TRIM26: variants seen among roughly 807,000 people sequenced by gnomAD.
TRIM26 encodes the protein tripartite motif containing 26.
A neutral mutation model predicts 45.5 loss-of-function variants in TRIM26; 16 were observed. That is an observed-to-expected ratio of 0.35 (90% confidence interval 0.24 to 0.53). The LOEUF (loss-of-function observed/expected upper bound fraction) is 0.53, where lower values mean the gene tolerates loss of function less well. Among genes scored for constraint, TRIM26 ranks in the 20% least tolerant of loss-of-function variants. The probability of loss-of-function intolerance (pLI) is 0.92; values close to 1 mark genes in which losing one functional copy is unlikely to be tolerated. For missense variants in TRIM26, 442 were observed against 691.1 expected, an observed-to-expected ratio of 0.64 and a Z score of 4.04; for synonymous variants, 273 against 290.4, an observed-to-expected ratio of 0.94 and a Z score of 0.61.
chr6:30,211,509 T>C (rs527352861), intron 1 of TRIM26, among the ~76,000 whole-genome samples: 1 of 152,336 alleles, frequency 6.6e-6, no homozygotes, highest in South Asian at 2.1e-4. Flanking sequence ...ACACACAATC[T>C]GAGTCCAACC....
chr6:30,188,557 T>C (rs1207693225), intron 9 of TRIM26: 10 of 241,792 alleles, frequency 4.1e-5, no homozygotes, highest in Admixed American at 2.0e-4. Flanking sequence ...AGTTCTGCTA[T>C]GGGATTTTAT....
chr6:30,185,875 C>A lies in TRIM26; in HGVS notation c.*1G>T, dbSNP rs752400973. The A allele has an allele frequency of 1.9e-6, 3 of 1,608,608 alleles. No homozygotes were observed. Among genetic ancestry groups the A allele is most frequent in the Non-Finnish European group, 2.5e-6 (3 of 1,177,348 alleles). On this transcript the variant is annotated 3_prime_UTR_variant, in exon 10 of 10. Coordinates refer to ENST00000454678, the MANE Select transcript of TRIM26 (RefSeq NM_003449.5). The surrounding 1 kb of genome is among the most constrained non-coding windows in gnomAD (Gnocchi z 5.7). ...TTGGGGCTGGGGGCAGATGTCAGGG[C>A]TCAGGGTCTTAGCAGGAGGCGTGTT...
At chr6:30,187,175 T>C (rs754160322) in intron 9 of TRIM26, 1 of 280,902 alleles carries the variant, frequency 3.6e-6, no homozygotes, top group Non-Finnish European at 7.2e-6. Flanking sequence ...CAAGAGCATC[T>C]GTTTCATGTC....
intron 1 of TRIM26, among the ~76,000 whole-genome samples, chr6:30,208,208 T>C (rs1265060117): frequency 6.6e-6 from 1 of 152,250 alleles, no homozygotes; most frequent in Non-Finnish European, 1.5e-5. Context: ...CTTAGCCACC[T>C]GCCCTTTCTC....
intron 9 of TRIM26, among the ~76,000 whole-genome samples, chr6:30,188,944 C>A (rs1775507675): frequency 6.6e-6 from 1 of 152,028 alleles, no homozygotes; most frequent in Non-Finnish European, 1.5e-5. Flanking sequence ...AAAGCAAACA[C>A]AGGGCAGAGA....
intron 1 of TRIM26, among the ~76,000 whole-genome samples, chr6:30,205,145 G>C (rs1286891382): frequency 2.0e-5 from 3 of 152,194 alleles, no homozygotes; most frequent in Non-Finnish European, 4.4e-5. Context: ...GCAGGCTGAG[G>C]CAGGAGAATC....
Position 30,185,028 on chromosome 6 carries a change from G to A in TRIM26, c.*848C>T, listed in dbSNP as rs1775007879. Reference sequence around the variant, plus strand: ...TGGGGAACCCGGTCAGAACTCCCGAGGCAGGAGAGGTTCTGCTCCACTGGA... The same window carrying A: ...TGGGGAACCCGGTCAGAACTCCCGAAGCAGGAGAGGTTCTGCTCCACTGGA... On this transcript the variant is annotated 3_prime_UTR_variant, in exon 10 of 10. Coordinates refer to ENST00000454678, the MANE Select transcript of TRIM26 (RefSeq NM_003449.5). This position sits in a 1 kb window ranked among gnomAD's most constrained non-coding sequence, Gnocchi z 5.7. The A allele has an allele frequency of 2.0e-5, 3 of 152,330 alleles. No homozygotes were observed. Among genetic ancestry groups the A allele is most frequent in the Admixed American group, 2.0e-4 (3 of 15,274 alleles). The allele number at this position is 152,330 out of a possible 1,614,324, so 9.4% of individuals were successfully genotyped here.
chr6:30,198,536 C>A lies in TRIM26; in HGVS notation c.439-12G>T. ...TTCAGGATTTTTTCCTGTGGAAAAA[C>A]AAGCAGTGGCAACAGGTGGATGCTC... On this transcript the variant is annotated splice_polypyrimidine_tract_variant and intron_variant, in intron 4 of 9. Transcript: ENST00000454678. The surrounding 1 kb of genome is among the most constrained non-coding windows in gnomAD (Gnocchi z 6.3). 1 of 1,612,952 alleles carries A rather than the reference C, an allele frequency of 6.2e-7. No individual in the cohort carries two copies. The highest frequency in any genetic ancestry group is 8.5e-7 in the Non-Finnish European group (1 of 1,179,914).
intron 2 of TRIM26, among the ~76,000 whole-genome samples, chr6:30,203,891 A>C (rs1478519754): frequency 6.6e-6 from 1 of 151,952 alleles, no homozygotes; most frequent in African/African-American, 2.4e-5. Flanking sequence ...AAGCTAGAAA[A>C]GTTTTCTGGG....
At chr6:30,191,351 T>C (rs760871200) in intron 6 of TRIM26, among the ~76,000 whole-genome samples, 1 of 150,354 alleles carries the variant, frequency 6.7e-6, no homozygotes, top group Non-Finnish European at 1.5e-5. Flanking sequence ...TCCACAAATA[T>C]TTATTAAGTG....
In TRIM26 at chr6:30,198,913, T is replaced by G. The variant is rs756742359; in HGVS notation, c.191A>C (p.Asn64Thr). The G allele has an allele frequency of 6.2e-7, 1 of 1,612,878 alleles. No individual in the cohort carries two copies. Among genetic ancestry groups the G allele is most frequent in the Non-Finnish European group, 8.5e-7 (1 of 1,179,924 alleles). The change falls in exon 4 of 10, where the codon AAC (asparagine) becomes ACC (threonine). Residue 64 changes from asparagine (N) to threonine (T), a missense_variant. By Grantham distance (65) the Asn-to-Thr change is moderately conservative. Transcript: ENST00000454678. The surrounding 1 kb of genome is among the most constrained non-coding windows in gnomAD (Gnocchi z 6.3). The stretch of plus-strand genomic sequence containing the variant: ...GGCCAGTTGCCACACGGGTCGGATG[T>G]TCTCCTTCTTAAAAGGCTTCTTGCA... ...PLCKKPFKKENIRPVWQLASL... is the reference protein window; with the variant it reads ...PLCKKPFKKETIRPVWQLASL...
At chr6:30,200,713 C>T (rs1777078189) in intron 3 of TRIM26, among the ~76,000 whole-genome samples, 1 of 152,242 alleles carries the variant, frequency 6.6e-6, no homozygotes, top group Non-Finnish European at 1.5e-5. Flanking sequence ...CCTCCTGCCC[C>T]TGACTCTGTG....
intron 1 of TRIM26, among the ~76,000 whole-genome samples, 175 bp downstream of exon 1, chr6:30,213,130 C>G (rs1422365557): frequency 6.6e-6 from 1 of 152,206 alleles, no homozygotes; most frequent in Non-Finnish European, 1.5e-5. Context: ...GACAAGCAAA[C>G]AGGAGGGATC....
intron 1 of TRIM26, among the ~76,000 whole-genome samples, chr6:30,212,308 T>C (rs1323619145): frequency 1.3e-5 from 2 of 152,168 alleles, no homozygotes; most frequent in African/African-American, 2.4e-5. Context: ...GACAACTAAA[T>C]GTAATGTGGT....
chr6:30,189,127 T>C lies in TRIM26; in HGVS notation c.937+40A>G. On this transcript the variant is annotated intron_variant, in intron 9 of 9. Transcript: ENST00000454678. This position sits in a 1 kb window ranked among gnomAD's most constrained non-coding sequence, Gnocchi z 5.0. ...GAATCTCTGCAGGCGGAGTTTTCTATATTTGATGTACATCTGGGAAACACC... is the reference window on the plus strand; with the variant it reads ...GAATCTCTGCAGGCGGAGTTTTCTACATTTGATGTACATCTGGGAAACACC... 1.3e-6 allele frequency: 2 copies of C among 1,596,774 alleles called. No individual in the cohort carries two copies. Among genetic ancestry groups the C allele is most frequent in the Non-Finnish European group, 1.7e-6 (2 of 1,173,654 alleles).
chr6:30,186,394 C>T lies in TRIM26; in HGVS notation c.1102G>A (p.Val368Ile). ...CTCTCCACTTCCACTTCCCAGTAGA[C>T]CTTGCCCCAGGTGAAGCCCTTGCTG... Reference protein sequence around the residue: ...LGSKGFTWGKVYWEVEVEREG... With the variant: ...LGSKGFTWGKIYWEVEVEREG... Residue 368 changes from valine to isoleucine, a missense_variant, in exon 10 of 10, where the codon GTC (valine) becomes ATC (isoleucine). Coordinates refer to ENST00000454678, the MANE Select transcript of TRIM26 (RefSeq NM_003449.5). This position sits in a 1 kb window ranked among gnomAD's most constrained non-coding sequence, Gnocchi z 7.4. The T allele has an allele frequency of 6.2e-7, 1 of 1,611,878 alleles. No individual in the cohort carries two copies. Among genetic ancestry groups the T allele is most frequent in the South Asian group, 1.1e-5 (1 of 90,904 alleles).
intron 1 of TRIM26, among the ~76,000 whole-genome samples, chr6:30,210,204 CAAAACA>C (rs1778144480): frequency 8.6e-6 from 1 of 115,912 alleles, no homozygotes; most frequent in African/African-American, 3.1e-5. Flanking sequence ...GACTCTGACT[CAAAACA>C]AAAAAAAAAA....
chr6:30,207,081 G>C lies in TRIM26; in HGVS notation c.-375-2316C>G, dbSNP rs1450179965. On this transcript the variant is annotated intron_variant, in intron 1 of 9. Coordinates refer to ENST00000454678, the MANE Select transcript of TRIM26 (RefSeq NM_003449.5). This position sits in a 1 kb window ranked among gnomAD's most constrained non-coding sequence, Gnocchi z 4.9. ...GAGGAAATCATCCGCCGGAGAAAGG[G>C]TAGCGGTGAATTTGAGGAGCTGACA... is the stretch of plus-strand genomic sequence containing the variant. 2.0e-5 allele frequency among the ~76,000 whole-genome samples: 3 copies of C among 152,204 alleles called. No homozygotes were observed. Among genetic ancestry groups the C allele is most frequent in the Non-Finnish European group, 2.9e-5 (2 of 68,026 alleles).
At position 30,203,126 on chromosome 6, in the gene TRIM26, C is replaced by G. The variant is rs138026603; in HGVS notation, c.-266+1530G>C. Reference sequence around the variant, plus strand: ...TGGAACTATCTGGGCTCACTGCAACCTCGGCCTCCCTGGCTCAAGCAATCT... The same window carrying G: ...TGGAACTATCTGGGCTCACTGCAACGTCGGCCTCCCTGGCTCAAGCAATCT... On this transcript the variant is annotated intron_variant, in intron 2 of 9. Coordinates refer to ENST00000454678, the MANE Select transcript of TRIM26 (RefSeq NM_003449.5). Among the ~76,000 whole-genome samples the G allele has an allele frequency of 4.4e-3, 656 of 150,492 alleles. 2 individuals carry two copies. Among genetic ancestry groups the G allele is most frequent in the African/African-American group, 0.011 (460 of 41,048 alleles).
Sources: allele counts gnomAD v4.1 joint callset (sites outside exome capture counted in the v4.1 genomes callset), GRCh38; gene constraint gnomAD v4.1.1; non-coding constraint Gnocchi (gnomAD v3.1); transcripts MANE v1.5; gene names NCBI Gene and HGNC (gene_info 2026-07-23, HGNC 2026-07-21).